Variants in CADPS2 observed in about 807,000 individuals in gnomAD.
The protein encoded by CADPS2 is calcium-dependent secretion activator 2.
In CADPS2, 93 loss-of-function variants were observed where a neutral mutation model predicts 172.5. That is an observed-to-expected ratio of 0.54 (90% CI 0.46 to 0.64). The LOEUF (loss-of-function observed/expected upper bound fraction) is 0.64. CADPS2 is among the 30% of genes least tolerant of loss of function. The pLI, the probability that CADPS2 is intolerant of heterozygous loss-of-function variation, is 0.00. For missense variants in CADPS2, 1,420 were observed against 1,565.9 expected, an observed-to-expected ratio of 0.91 and a Z score of 1.57; for synonymous variants, 546 against 555.2, an observed-to-expected ratio of 0.98 and a Z score of 0.23.
At chr7:122,472,974 T>G (rs1017382236) in intron 13 of CADPS2, among the ~76,000 whole-genome samples, 4 of 152,126 alleles carry the variant, frequency 2.6e-5, no homozygotes, top group African/African-American at 9.7e-5. Context: ...AGTTTCAGGT[T>G]GAGCATCCCA....
chr7:122,589,821 C>T lies in CADPS2; in HGVS notation c.1224-8531G>A, dbSNP rs149481270. 3.3e-5 allele frequency among the ~76,000 whole-genome samples: 5 copies of T among 151,940 alleles called. No individual in the cohort carries two copies. The East Asian group carries it at 9.7e-4, about 30-fold the overall frequency. Reference sequence around the variant, plus strand: ...TAATAATGATAGTAGGGACTTCTACCTTACAAGTATGGGCTTATACATGTA... The same window carrying T: ...TAATAATGATAGTAGGGACTTCTACTTTACAAGTATGGGCTTATACATGTA... On this transcript the variant is annotated intron_variant, in intron 6 of 29. Coordinates refer to ENST00000449022, the MANE Select transcript of CADPS2 (RefSeq NM_017954.11).
intron 8 of CADPS2, among the ~76,000 whole-genome samples, chr7:122,543,028 T>G (rs1479091310): frequency 1.3e-5 from 2 of 152,088 alleles, no homozygotes; most frequent in African/African-American, 4.8e-5. Context: ...ATGTATAGTG[T>G]TAATATACAT....
chr7:122,542,933 C>A (rs2063251453), intron 8 of CADPS2, among the ~76,000 whole-genome samples: 1 of 152,042 alleles, frequency 6.6e-6, no homozygotes, highest in Non-Finnish European at 1.5e-5. Context: ...AGTTACTGTT[C>A]TCAAATAATC....
intron 1 of CADPS2, among the ~76,000 whole-genome samples, chr7:122,856,090 T>C (rs1479037214): frequency 6.6e-6 from 1 of 152,122 alleles, no homozygotes; most frequent in Non-Finnish European, 1.5e-5. Flanking sequence ...GTTGTAATCA[T>C]GGAAGCAAAA....
intron 1 of CADPS2, among the ~76,000 whole-genome samples, chr7:122,831,175 G>A (rs1806428266): frequency 6.6e-6 from 1 of 152,034 alleles, no homozygotes. Flanking sequence ...ATCAACTGGG[G>A]TTATTATTAT....
chr7:122,443,494 T>TA (rs1212335557), intron 15 of CADPS2, among the ~76,000 whole-genome samples: 2 of 152,058 alleles, frequency 1.3e-5, no homozygotes, highest in African/African-American at 4.8e-5. Flanking sequence ...AAGTCAACCT[T>TA]ATTCCCATTT....
chr7:122,645,309 A>G (rs571377312), intron 3 of CADPS2, among the ~76,000 whole-genome samples: 1 of 123,948 alleles, frequency 8.1e-6, no homozygotes, highest in Non-Finnish European at 1.7e-5. Flanking sequence ...ACATATGTAC[A>G]TGTGTGTATA....
chr7:122,388,590 C>A lies in CADPS2; in HGVS notation c.3157G>T (p.Val1053Phe). 1.3e-6 allele frequency: 2 copies of A among 1,586,960 alleles called. No homozygotes were observed. The highest frequency in any genetic ancestry group is 1.7e-6 in the Non-Finnish European group (2 of 1,163,890). Reference protein sequence around the residue: ...LMASDMLEACVKRTRTAFELK... With the variant: ...LMASDMLEACFKRTRTAFELK... ...TTGAAAATACATGTCTACCTTTTGA[C>A]ACAGGCCTCTAGCATATCACTGGCC... The change falls in exon 23 of 30, where the codon GTC (valine) becomes TTC (phenylalanine). Residue 1053 changes from valine (V) to phenylalanine (F), a missense_variant. Coordinates refer to ENST00000449022, the MANE Select transcript of CADPS2 (RefSeq NM_017954.11).
intron 1 of CADPS2, among the ~76,000 whole-genome samples, chr7:122,742,480 A>G (rs1481438462): frequency 6.6e-6 from 1 of 152,174 alleles, no homozygotes; most frequent in Non-Finnish European, 1.5e-5. Context: ...TAAGCAAATG[A>G]AACTCACTAC....
intron 1 of CADPS2, among the ~76,000 whole-genome samples, chr7:122,796,728 G>A: frequency 6.6e-6 from 1 of 151,132 alleles, no homozygotes; most frequent in East Asian, 1.9e-4. Context: ...ATGGAAAAAA[G>A]ACTTACATGT....
At chr7:122,550,196 T>C (rs2064091059) in intron 8 of CADPS2, among the ~76,000 whole-genome samples, 1 of 152,182 alleles carries the variant, frequency 6.6e-6, no homozygotes, top group Non-Finnish European at 1.5e-5. Flanking sequence ...TTAACTATTG[T>C]CTCTCCTTGC....
chr7:122,871,450 A>G (rs1585061566), intron 1 of CADPS2, among the ~76,000 whole-genome samples: 1 of 152,020 alleles, frequency 6.6e-6, no homozygotes, highest in East Asian at 1.9e-4. Flanking sequence ...GTACATTTAT[A>G]TTTATACAGT....
intron 3 of CADPS2, among the ~76,000 whole-genome samples, chr7:122,661,990 C>A (rs1041732989): frequency 1.3e-5 from 2 of 152,174 alleles, no homozygotes; most frequent in Admixed American, 1.3e-4. Context: ...ACAATGAAAT[C>A]AATTACAGTG....
chr7:122,544,479 C>G (rs972301656), intron 8 of CADPS2, among the ~76,000 whole-genome samples: 1 of 152,114 alleles, frequency 6.6e-6, no homozygotes, highest in African/African-American at 2.4e-5. Context: ...GTTTATTAAG[C>G]AGTTCTATTG....
intron 2 of CADPS2, among the ~76,000 whole-genome samples, chr7:122,693,998 A>C (rs2136104475): frequency 6.6e-6 from 1 of 152,264 alleles, no homozygotes; most frequent in Non-Finnish European, 1.5e-5. Flanking sequence ...TTACTGAAGG[A>C]TTTTTCAACA....
At chr7:122,527,427 A>C (rs1255117136) in intron 8 of CADPS2, among the ~76,000 whole-genome samples, 7 of 152,048 alleles carry the variant, frequency 4.6e-5, no homozygotes, top group East Asian at 1.9e-4. Flanking sequence ...AAAAAAAAAA[A>C]AAACACAAAA....
In CADPS2 at chr7:122,345,656, G is replaced by C; in HGVS notation, c.3530C>G (p.Thr1177Ser). 1 of 1,612,590 alleles carries C rather than the reference G, an allele frequency of 6.2e-7. No individual in the cohort carries two copies. Among genetic ancestry groups the C allele is most frequent in the African/African-American group, 1.3e-5 (1 of 74,984 alleles). Residue 1177 changes from threonine to serine, a missense_variant, in exon 28 of 30, where the codon ACC becomes AGC. Physicochemically the swap from Thr to Ser is moderately conservative, Grantham distance 58. Coordinates refer to ENST00000449022, the MANE Select transcript of CADPS2 (RefSeq NM_017954.11). ...GTTTTGCCGAACAAACATAATATAG[G>C]TGTCTGCCAGATCCATTCCTGGTTT... ...VPKPGMDLAD[T>S]YIMFVRQNQD... is the part of the protein sequence containing the mutation.
At chr7:122,550,172 T>C (rs998910032) in intron 8 of CADPS2, among the ~76,000 whole-genome samples, 4 of 152,196 alleles carry the variant, frequency 2.6e-5, no homozygotes. Flanking sequence ...TTGTCTCGTT[T>C]TTCTGCTGGA....
chr7:122,563,226 CT>C (rs988392238), intron 7 of CADPS2, among the ~76,000 whole-genome samples: 74 of 152,260 alleles, frequency 4.9e-4, no homozygotes, highest in African/African-American at 1.7e-3. Flanking sequence ...CATCACTATT[CT>C]TGATCTATTG....
Sources: allele counts gnomAD v4.1 joint callset (sites outside exome capture counted in the v4.1 genomes callset), GRCh38; gene constraint gnomAD v4.1.1; transcripts MANE v1.5; gene names NCBI Gene and HGNC (gene_info 2026-07-23, HGNC 2026-07-21).